SMG1: variants seen among roughly 807,000 people sequenced by gnomAD.
SMG1 encodes the protein SMG1 nonsense mediated mRNA decay associated PI3K related kinase.
In SMG1, 22 loss-of-function variants were observed where a neutral mutation model predicts 419.9. That is an observed-to-expected ratio of 0.05 (90% CI 0.04 to 0.07). SMG1 has a LOEUF of 0.07. Ranked by LOEUF, SMG1 falls within the 10% of genes least tolerant of loss-of-function variation. The pLI, the probability that SMG1 is intolerant of heterozygous loss-of-function variation, is 1.00. For synonymous variants in SMG1, 1,538 were observed against 1,553.5 expected (o/e 0.99, Z 0.23); for missense variants, 3,185 against 4,342.0 (o/e 0.73, Z 7.49).
chr16:18,844,005 T>TTA (rs2034079579), intron 39 of SMG1, among the ~76,000 whole-genome samples: 1 of 122,082 alleles, frequency 8.2e-6, no homozygotes, highest in South Asian at 2.7e-4. Context: ...TTTTCTATGA[T>TTA]TATACACACA....
At chr16:18,915,236 T>C (rs1054377099) in intron 1 of SMG1, among the ~76,000 whole-genome samples, 6 of 152,140 alleles carry the variant, frequency 3.9e-5, no homozygotes, top group Non-Finnish European at 7.4e-5. Flanking sequence ...GCCTCCCAAA[T>C]TGCTGAGATT....
chr16:18,832,911 A>G, intron 51 of SMG1, 29 bp downstream of exon 51: 1 of 1,590,542 alleles, frequency 6.3e-7, no homozygotes, highest in East Asian at 2.2e-5. Context: ...CTCTTTTACA[A>G]GGAAACGGCA....
chr16:18,904,083 G>T (rs1281492206), intron 1 of SMG1, among the ~76,000 whole-genome samples: 1 of 150,858 alleles, frequency 6.6e-6, no homozygotes, highest in Non-Finnish European at 1.5e-5. Context: ...AACTACAGGC[G>T]CCCAACACCA....
At position 18,814,059 on chromosome 16, in the gene SMG1, A is replaced by T. The variant is rs75344351; in HGVS notation, c.10621+1116T>A. 3.5e-3 allele frequency among the ~76,000 whole-genome samples: 516 copies of T among 146,340 alleles called. 1 individual carries two copies. Among genetic ancestry groups the T allele is most frequent in the Middle Eastern group, 0.01 (3 of 286 alleles). The stretch of plus-strand genomic sequence containing the variant: ...AAAAAAAAAAAAATTAAATTAAATT[A>T]AAAAAAAATAAAATAAAATAAAAAT... On this transcript the variant is annotated intron_variant, in intron 60 of 62. Transcript: ENST00000446231.
At chr16:18,918,996 T>C (rs1256115102) in intron 1 of SMG1, among the ~76,000 whole-genome samples, 1 of 152,280 alleles carries the variant, frequency 6.6e-6, no homozygotes, top group East Asian at 1.9e-4. Context: ...TAATAACTTA[T>C]AGCCTCCTTG....
In SMG1 at chr16:18,883,788, G is replaced by A. The variant is rs148535698; in HGVS notation, c.1119+282C>T. Reference sequence around the variant, plus strand: ...ACAAAAATTAGCTGGGCATGGTGGCGGGCACCTGTAATTCCAGCTACTCGG... The same window carrying A: ...ACAAAAATTAGCTGGGCATGGTGGCAGGCACCTGTAATTCCAGCTACTCGG... On this transcript the variant is annotated intron_variant, in intron 9 of 62. Transcript: ENST00000446231. 7.5e-3 allele frequency among the ~76,000 whole-genome samples: 1,134 copies of A among 152,012 alleles called. 17 individuals are homozygous for A. The highest frequency in any genetic ancestry group is 0.025 in the African/African-American group (1,046 of 41,440).
Position 18,852,193 on chromosome 16 carries a change from A to C in SMG1, c.4926T>G (p.Gly1642=). ...ATTTTTCTCTAGGCAGCAGACGAAC[A>C]CCTTCTCCCTGACTATAAAAATAAA... ...KVVDNASQGE[G]VRLLPREKSE... is the part of the protein sequence containing the mutation. The change falls in exon 33 of 63, where the codon GGT becomes GGG. Residue 1642 remains glycine, a synonymous_variant. Transcript: ENST00000446231. 1.2e-6 allele frequency: 2 copies of C among 1,613,164 alleles called. No homozygotes were observed. The highest frequency in any genetic ancestry group is 1.7e-6 in the Non-Finnish European group (2 of 1,179,662).
chr16:18,854,461 A>G (rs377143073), intron 30 of SMG1, among the ~76,000 whole-genome samples, 195 bp downstream of exon 30: 2 of 152,348 alleles, frequency 1.3e-5, no homozygotes, highest in Admixed American at 6.5e-5. Context: ...ATACATTGCA[A>G]CAAAATTCTT....
chr16:18,847,318 G>C, intron 38 of SMG1, 135 bp downstream of exon 38: 1 of 888,436 alleles, frequency 1.1e-6, no homozygotes, highest in Admixed American at 2.3e-5. Context: ...CGTGGTGATG[G>C]TTGTACAATA....
chr16:18,861,165 C>G, intron 25 of SMG1: 1 of 87,962 alleles, frequency 1.1e-5, no homozygotes, highest in East Asian at 2.8e-4. Context: ...CAGCCTCACT[C>G]CTCACCTACA....
chr16:18,895,663 C>T (rs1449470124), intron 3 of SMG1, among the ~76,000 whole-genome samples: 3 of 151,416 alleles, frequency 2.0e-5, no homozygotes, highest in Admixed American at 1.3e-4. Context: ...CCTGTACATC[C>T]TGCACACGTA....
At chr16:18,903,504 C>G (rs1321644144) in intron 1 of SMG1, among the ~76,000 whole-genome samples, 1 of 152,162 alleles carries the variant, frequency 6.6e-6, no homozygotes, top group East Asian at 1.9e-4. Flanking sequence ...AGTGGATGAC[C>G]TTATAGATTT....
Position 18,834,233 on chromosome 16 carries a change from A to C in SMG1, c.8536T>G (p.Leu2846Val). Reference protein sequence around the residue: ...NPMEASETVHLANGVYTSLQE... With the variant: ...NPMEASETVHVANGVYTSLQE... ...AGTGAGGTATACACTCCATTGGCTA[A>C]GTGAACTGTCTCAGACGCTTCCATG... Residue 2846 changes from leucine to valine, a missense_variant, in exon 50 of 63, where the codon TTA (leucine) becomes GTA (valine). By Grantham distance (32) the Leu-to-Val change is conservative. This residue lies in a region of SMG1 where 412 missense variants were observed against 546.6 expected (regional missense o/e 0.75). Coordinates refer to ENST00000446231, the MANE Select transcript of SMG1 (RefSeq NM_015092.5). 1 of 1,603,914 alleles carries C rather than the reference A, an allele frequency of 6.2e-7. No homozygotes were observed. Among genetic ancestry groups the C allele is most frequent in the Non-Finnish European group, 8.5e-7 (1 of 1,174,844 alleles).
In SMG1 at chr16:18,896,935, G is replaced by T. The variant is rs1209209976; in HGVS notation, c.114C>A (p.Asp38Glu). The change falls in exon 2 of 63, where the codon GAC becomes GAA. Residue 38 changes from aspartate (D) to glutamate (E), a missense_variant. Transcript: ENST00000446231. ...WQPRTDSASA[D>E]PDNLKYSSSR... ...ATGAAGAATATTTTAAATTATCTGG[G>T]TCGGCTGATGCACTATCAGTTCTAT... The T allele has an allele frequency of 6.3e-7, 1 of 1,574,860 alleles. No individual in the cohort carries two copies. The highest frequency in any genetic ancestry group is 8.6e-7 in the Non-Finnish European group (1 of 1,158,150).
chr16:18,846,247 A>G (rs1374488638), intron 38 of SMG1, among the ~76,000 whole-genome samples: 4 of 152,184 alleles, frequency 2.6e-5, no homozygotes, highest in Non-Finnish European at 5.9e-5. Context: ...TGGATCAAAG[A>G]CCTAAACTTA....
chr16:18,887,992 C>A (rs1192304824), intron 6 of SMG1, among the ~76,000 whole-genome samples: 1 of 150,406 alleles, frequency 6.6e-6, no homozygotes, highest in South Asian at 2.1e-4. Flanking sequence ...ACAACGAAAC[C>A]CCATCTCTAT....
At chr16:18,840,885 C>A (rs1332745072) in intron 41 of SMG1, among the ~76,000 whole-genome samples, 2 of 152,144 alleles carry the variant, frequency 1.3e-5, no homozygotes, top group Non-Finnish European at 2.9e-5. Context: ...CCAATGCCAT[C>A]ACTTTTGCCT....
At chr16:18,838,304 A>T in intron 44 of SMG1, 53 bp downstream of exon 44, 1 of 1,607,822 alleles carries the variant, frequency 6.2e-7, no homozygotes, top group Non-Finnish European at 8.5e-7. Context: ...TTCATTCCAC[A>T]GGTTTTGCTC....
intron 1 of SMG1, among the ~76,000 whole-genome samples, chr16:18,908,122 T>G (rs549480339): frequency 6.6e-6 from 1 of 151,942 alleles, no homozygotes; most frequent in African/African-American, 2.4e-5. Context: ...TCCCAGCTGT[T>G]TGGGAGCCTG....
Sources: allele counts gnomAD v4.1 joint callset (sites outside exome capture counted in the v4.1 genomes callset), GRCh38; gene constraint gnomAD v4.1.1; regional missense constraint gnomAD v4.1.1; transcripts MANE v1.5; gene names NCBI Gene and HGNC (gene_info 2026-07-23, HGNC 2026-07-21).